DNAH17: variants seen among roughly 807,000 people sequenced by gnomAD.
The protein encoded by DNAH17 is axonemal beta dynein heavy chain 17.
Under a neutral mutation model 485.6 loss-of-function variants are expected in DNAH17, and 376 were observed. The ratio of observed to expected loss-of-function variants is 0.77; its 90% CI spans 0.71 to 0.84. The LOEUF (loss-of-function observed/expected upper bound fraction) is 0.84. Among genes scored for constraint, DNAH17 ranks in the 40% least tolerant of loss-of-function variants. DNAH17 has a pLI of 0.00. For synonymous variants in DNAH17, 3,031 were observed against 2,405.9 expected, an observed-to-expected ratio of 1.26 and a Z score of -7.60; for missense variants, 6,370 against 5,839.3, an observed-to-expected ratio of 1.09 and a Z score of -2.96.
At chr17:78,484,748 A>ACCCCCCCCC in intron 48 of DNAH17, 120 bp downstream of exon 48, 2 of 138,456 alleles carry the variant, frequency 1.4e-5, no homozygotes, top group Non-Finnish European at 1.1e-5. Context: ...CACCCCCCCC[A>ACCCCCCCCC]CCGCCCCACA....
At chr17:78,433,842 G>A (rs754224328) in intron 75 of DNAH17, among the ~76,000 whole-genome samples, 187 bp downstream of exon 75, 25 of 151,690 alleles carry the variant, frequency 1.6e-4, no homozygotes, top group Admixed American at 2.6e-4. Context: ...AGATGGTGCT[G>A]CCTTTCAAGT....
intron 54 of DNAH17, among the ~76,000 whole-genome samples, chr17:78,473,874 AGATACCAATGT>A (rs796641431): frequency 3.3e-5 from 5 of 152,250 alleles, no homozygotes; most frequent in African/African-American, 1.2e-4. Flanking sequence ...GAGTGGCCGC[AGATACCAATGT>A]GAACTAACTC....
intron 74 of DNAH17, 122 bp from the exon 75 acceptor site, chr17:78,434,342 G>T (rs1032665596): frequency 1.1e-6 from 1 of 877,310 alleles, no homozygotes; most frequent in Non-Finnish European, 1.7e-6. Context: ...GCGGTGGGGG[G>T]TACAAAGCTG....
chr17:78,498,868 G>A (rs1278576192), intron 37 of DNAH17, 140 bp downstream of exon 37: 2 of 572,018 alleles, frequency 3.5e-6, no homozygotes, highest in Non-Finnish European at 3.0e-6. Flanking sequence ...GAGGGCAAGA[G>A]CTCAATGGCA....
chr17:78,556,909 C>G (rs1036044093), intron 14 of DNAH17, among the ~76,000 whole-genome samples: 34 of 152,142 alleles, frequency 2.2e-4, no homozygotes, highest in Admixed American at 1.8e-3. Flanking sequence ...TGAAAGCAGA[C>G]AGAGAAAACA....
intron 77 of DNAH17, among the ~76,000 whole-genome samples, chr17:78,427,604 T>TCA (rs1209709325): frequency 6.6e-6 from 1 of 152,224 alleles, no homozygotes; most frequent in Non-Finnish European, 1.5e-5. Context: ...AATAAGGGTC[T>TCA]CACATCAAGA....
chr17:78,492,511 G>A (rs542009105), intron 42 of DNAH17, 122 bp downstream of exon 42: 213 of 1,385,574 alleles, frequency 1.5e-4, no homozygotes, highest in Non-Finnish European at 1.9e-4. Flanking sequence ...TGCAGGCCAC[G>A]TGCCTGTGTG....
chr17:78,487,846 T>G (rs527244898), intron 44 of DNAH17, among the ~76,000 whole-genome samples: 46 of 152,228 alleles, frequency 3.0e-4, no homozygotes, highest in African/African-American at 1.1e-3. Flanking sequence ...CTTCTGTGAG[T>G]GTGCTCTGGG....
intron 14 of DNAH17, among the ~76,000 whole-genome samples, chr17:78,554,550 A>T (rs2091979919): frequency 6.6e-6 from 1 of 151,208 alleles, no homozygotes; most frequent in African/African-American, 2.4e-5. Context: ...TGAATTTACA[A>T]AACAGAACAA....
chr17:78,529,677 G>A lies in DNAH17; in HGVS notation c.3302C>T (p.Ala1101Val), dbSNP rs61741523. ...GCCCATTCTGGCGACTTTCATGAAG[G>A]CTTCCAGGTCAGCCAGGCTAAGGGA... ...HVTNSLADLE[A>V]FMKVARMGLT... The change falls in exon 22 of 81, where the codon GCC becomes GTC. Residue 1101 changes from alanine (A) to valine (V), a missense_variant. Physicochemically the swap from Ala to Val is moderately conservative, Grantham distance 64. Coordinates refer to ENST00000389840, the MANE Select transcript of DNAH17 (RefSeq NM_173628.4). 2.5e-6 allele frequency: 4 copies of A among 1,613,694 alleles called. No homozygotes were observed. The highest frequency in any genetic ancestry group is 3.3e-5 in the Admixed American group (2 of 59,990).
At chr17:78,460,365 CGT>C in intron 58 of DNAH17, 108 bp from the exon 59 acceptor site, 2 of 910,582 alleles carry the variant, frequency 2.2e-6, no homozygotes, top group Non-Finnish European at 3.3e-6. Context: ...CATGTATGCA[CGT>C]GCATGAGTGT....
intron 26 of DNAH17, 94 bp from the exon 27 acceptor site, chr17:78,510,600 G>A (rs2090608565): frequency 3.2e-6 from 5 of 1,544,874 alleles, no homozygotes; most frequent in Non-Finnish European, 3.5e-6. Flanking sequence ...CCATTGCCGG[G>A]GCACGATCCC....
chr17:78,468,950 A>G, intron 54 of DNAH17, 67 bp from the exon 55 acceptor site: 1 of 1,542,420 alleles, frequency 6.5e-7, no homozygotes, highest in East Asian at 2.3e-5. Context: ...CATCCTCCAC[A>G]ACCAACCAGA....
chr17:78,477,972 CCATCATCAT>C (rs779113099), intron 51 of DNAH17, among the ~76,000 whole-genome samples: 2 of 138,358 alleles, frequency 1.4e-5, no homozygotes, highest in African/African-American at 3.2e-5. Flanking sequence ...ATCACCACCA[CCATCATCAT>C]CACCACCATC....
intron 75 of DNAH17, 30 bp from the exon 76 acceptor site, chr17:78,429,330 A>G (rs1469004823): frequency 6.9e-6 from 11 of 1,604,022 alleles, no homozygotes; most frequent in Non-Finnish European, 9.4e-6. Context: ...GGTAGGGGAA[A>G]GTGCCCCTGT....
chr17:78,491,715 C>T (rs2089866413), intron 42 of DNAH17, 145 bp from the exon 43 acceptor site: 6 of 1,327,110 alleles, frequency 4.5e-6, no homozygotes, highest in South Asian at 3.1e-5. Flanking sequence ...CATGAGGTGC[C>T]CAGGCTCCCT....
Position 78,530,510 on chromosome 17 carries a change from G to C in DNAH17, c.3117C>G (p.Ile1039Met), listed in dbSNP as rs768826311. The C allele has an allele frequency of 2.3e-5, 37 of 1,601,706 alleles. No homozygotes were observed. The highest frequency in any genetic ancestry group is 2.8e-5 in the Non-Finnish European group (33 of 1,171,138). The part of the protein sequence containing the change: ...PPTLAQFQEQ[I>M]DSYEKLYEEV... Reference sequence around the variant, plus strand: ...CCTCATACAGCTTCTCGTAGGAGTCGATCTGGAAAACACGGCCACCGGCGG... The same window carrying C: ...CCTCATACAGCTTCTCGTAGGAGTCCATCTGGAAAACACGGCCACCGGCGG... Residue 1039 changes from isoleucine to methionine, a missense_variant and splice_region_variant, in exon 21 of 81, where the codon ATC (isoleucine) becomes ATG (methionine). Transcript: ENST00000389840.
intron 71 of DNAH17, among the ~76,000 whole-genome samples, chr17:78,442,061 C>T (rs2087096965): frequency 6.8e-6 from 1 of 146,974 alleles, no homozygotes; most frequent in South Asian, 2.2e-4. Flanking sequence ...CCAGCCTGGG[C>T]AAGAGAGCGA....
intron 72 of DNAH17, 111 bp from the exon 73 acceptor site, chr17:78,439,328 G>A: frequency 7.8e-7 from 1 of 1,281,562 alleles, no homozygotes; most frequent in Non-Finnish European, 1.1e-6. Flanking sequence ...AGTTTCGGTG[G>A]TGAAATACAC....
Sources: allele counts gnomAD v4.1 joint callset (sites outside exome capture counted in the v4.1 genomes callset), GRCh38; gene constraint gnomAD v4.1.1; transcripts MANE v1.5; gene names NCBI Gene and HGNC (gene_info 2026-07-23, HGNC 2026-07-21).